Variants in FAM171B observed in about 807,000 individuals in gnomAD.
FAM171B encodes family with sequence similarity 171 member B.
Under a neutral mutation model 75.6 loss-of-function variants are expected in FAM171B, and 19 were observed. The observed-to-expected ratio is 0.25, with a 90% CI of 0.18 to 0.37. FAM171B has a LOEUF of 0.37. Ranked by LOEUF, FAM171B falls within the 10% of genes least tolerant of loss-of-function variation. The pLI, the probability that FAM171B is intolerant of heterozygous loss-of-function variation, is 1.00. For synonymous variants in FAM171B, 367 were observed against 361.7 expected (o/e 1.01, Z -0.17); for missense variants, 848 against 982.4 (o/e 0.86, Z 1.83).
intron 1 of FAM171B, among the ~76,000 whole-genome samples, chr2:186,732,356 C>G (rs972292618): frequency 6.6e-6 from 1 of 151,884 alleles, no homozygotes; most frequent in African/African-American, 2.4e-5. Context: ...GTAGTGTCAC[C>G]CCAAGCCCCA....
In FAM171B at chr2:186,761,827, A is replaced by G. The variant is rs1405260631; in HGVS notation, c.1485A>G (p.Lys495=). The G allele has an allele frequency of 6.2e-7, 1 of 1,613,248 alleles. No individual in the cohort carries two copies. Among genetic ancestry groups the G allele is most frequent in the South Asian group, 1.1e-5 (1 of 91,076 alleles). Residue 495 remains lysine, a synonymous_variant, in exon 8 of 8, where the codon AAA becomes AAG. Transcript: ENST00000304698. ...LEPNVGSKQP[K]HINNNLSSSL... ...CCAATGTAGGGTCCAAACAACCTAAACATATTAACAACAATCTATCTTCAT... is the reference window on the plus strand; with the variant it reads ...CCAATGTAGGGTCCAAACAACCTAAGCATATTAACAACAATCTATCTTCAT...
chr2:186,754,881 C>T (rs1003086307), intron 6 of FAM171B, among the ~76,000 whole-genome samples: 1 of 151,564 alleles, frequency 6.6e-6, no homozygotes, highest in Non-Finnish European at 1.5e-5. Flanking sequence ...TATGTGTGGC[C>T]CAAGGCAGCC....
chr2:186,705,102 C>T (rs1689716663), intron 1 of FAM171B, among the ~76,000 whole-genome samples: 1 of 152,236 alleles, frequency 6.6e-6, no homozygotes, highest in Admixed American at 6.5e-5. Context: ...TGTTACAGCT[C>T]CTATGGTGTT....
intron 6 of FAM171B, among the ~76,000 whole-genome samples, chr2:186,757,787 A>G (rs1406455075): frequency 1.3e-5 from 2 of 152,106 alleles, no homozygotes; most frequent in African/African-American, 4.8e-5. Flanking sequence ...TGCCATACAT[A>G]TAGGATTTGG....
chr2:186,729,434 AT>A lies in FAM171B; in HGVS notation c.239-10783del, dbSNP rs752429047. On this transcript the variant is annotated intron_variant, in intron 1 of 7. Transcript: ENST00000304698. ...ATCTGCCCTGTCTAAATGCCAAAGT[AT>A]TTTTTTTTTTCTGGAGGAGAGAACT... Among the ~76,000 whole-genome samples, 281 of 128,472 alleles carry A rather than the reference AT, an allele frequency of 2.2e-3. 6 individuals carry two copies. In the East Asian group the frequency reaches 0.033, roughly 15 times the overall value. 84.3% of individuals were successfully genotyped at this position (128,472 alleles called of 152,430 possible).
At chr2:186,703,309 C>A (rs1689689857) in intron 1 of FAM171B, among the ~76,000 whole-genome samples, 1 of 152,112 alleles carries the variant, frequency 6.6e-6, no homozygotes, top group Non-Finnish European at 1.5e-5. Context: ...TTGGCTGAAC[C>A]AACAGCAATT....
At chr2:186,725,822 C>A (rs1690024722) in intron 1 of FAM171B, among the ~76,000 whole-genome samples, 1 of 152,100 alleles carries the variant, frequency 6.6e-6, no homozygotes, top group Non-Finnish European at 1.5e-5. Context: ...GCTTGTGATT[C>A]TAAGGAAGGA....
chr2:186,717,470 A>G (rs1305167321), intron 1 of FAM171B, among the ~76,000 whole-genome samples: 1 of 152,206 alleles, frequency 6.6e-6, no homozygotes, highest in Non-Finnish European at 1.5e-5. Context: ...TGAATCACCA[A>G]GATGGACTGA....
chr2:186,739,272 A>G (rs1357744041), intron 1 of FAM171B, among the ~76,000 whole-genome samples: 1 of 152,160 alleles, frequency 6.6e-6, no homozygotes, highest in Non-Finnish European at 1.5e-5. Flanking sequence ...CAAACACTCC[A>G]TGGTGGTATA....
In FAM171B at chr2:186,750,554, G is replaced by A. The variant is rs547459738; in HGVS notation, c.725-580G>A. Among the ~76,000 whole-genome samples the A allele has an allele frequency of 2.0e-5, 3 of 152,102 alleles. No individual in the cohort carries two copies. The South Asian group carries it at 6.2e-4, about 32-fold the overall frequency. ...TAATATTACAGTGATTTTGTTTCAT[G>A]TTTAATTGCCAAACCTATCCATTAA... is the stretch of plus-strand genomic sequence containing the variant. On this transcript the variant is annotated intron_variant, in intron 4 of 7. Coordinates refer to ENST00000304698, the MANE Select transcript of FAM171B (RefSeq NM_177454.4).
intron 7 of FAM171B, 91 bp from the exon 8 acceptor site, chr2:186,761,388 A>G (rs1690612881): frequency 7.0e-7 from 1 of 1,435,080 alleles, no homozygotes; most frequent in Non-Finnish European, 9.4e-7. Flanking sequence ...ATAGCATTGC[A>G]TGTATGATAT....
intron 6 of FAM171B, among the ~76,000 whole-genome samples, chr2:186,760,194 T>C (rs1690593835): frequency 6.6e-6 from 1 of 152,118 alleles, no homozygotes. Context: ...ATCATCCTAG[T>C]CAGCTTTTAC....
At chr2:186,741,771 T>A (rs2105786336) in intron 2 of FAM171B, among the ~76,000 whole-genome samples, 1 of 152,266 alleles carries the variant, frequency 6.6e-6, no homozygotes, top group African/African-American at 2.4e-5. Flanking sequence ...TGTCAAAGTC[T>A]TCAAAATCTT....
At chr2:186,742,224 T>A (rs949779278) in intron 2 of FAM171B, among the ~76,000 whole-genome samples, 1 of 152,138 alleles carries the variant, frequency 6.6e-6, no homozygotes, top group Non-Finnish European at 1.5e-5. Context: ...TTACATCCCA[T>A]TTATAATAGG....
chr2:186,707,873 C>G (rs896189226), intron 1 of FAM171B, among the ~76,000 whole-genome samples: 2 of 149,954 alleles, frequency 1.3e-5, no homozygotes, highest in African/African-American at 4.9e-5. Flanking sequence ...ATTGACTTTC[C>G]TGTCTGAGCT....
chr2:186,708,458 G>T (rs1475578614), intron 1 of FAM171B, among the ~76,000 whole-genome samples: 1 of 151,990 alleles, frequency 6.6e-6, no homozygotes, highest in African/African-American at 2.4e-5. Flanking sequence ...TGCTTGCAGA[G>T]AACACTCAGT....
In FAM171B at chr2:186,761,831, A is replaced by C. The variant is rs763714750; in HGVS notation, c.1489A>C (p.Ile497Leu). 1.9e-6 allele frequency: 3 copies of C among 1,613,194 alleles called. No individual in the cohort carries two copies. The African/African-American group carries it at 4.0e-5, about 22-fold the overall frequency. The change falls in exon 8 of 8, where the codon ATT becomes CTT. Residue 497 changes from isoleucine (I) to leucine (L), a missense_variant. By Grantham distance (5) the Ile-to-Leu change is conservative. Transcript: ENST00000304698. The part of the protein sequence containing the change: ...PNVGSKQPKH[I>L]NNNLSSSLGD... ...TGTAGGGTCCAAACAACCTAAACAT[A>C]TTAACAACAATCTATCTTCATCTCT...
intron 1 of FAM171B, among the ~76,000 whole-genome samples, chr2:186,721,462 G>C (rs13028008): frequency 6.6e-6 from 1 of 151,842 alleles, no homozygotes; most frequent in Non-Finnish European, 1.5e-5. Flanking sequence ...GAAAATAAAC[G>C]TGTATTTAGA....
chr2:186,730,250 C>T (rs1324965009), intron 1 of FAM171B, among the ~76,000 whole-genome samples: 3 of 152,214 alleles, frequency 2.0e-5, no homozygotes, highest in Non-Finnish European at 2.9e-5. Context: ...TGAGCCACCA[C>T]ACCTGGCCAG....
Sources: allele counts gnomAD v4.1 joint callset (sites outside exome capture counted in the v4.1 genomes callset), GRCh38; gene constraint gnomAD v4.1.1; transcripts MANE v1.5; gene names NCBI Gene and HGNC (gene_info 2026-07-23, HGNC 2026-07-21).